The following ILDR1 variants were observed in gnomAD, a reference collection of about 807,000 sequenced individuals.
ILDR1 encodes the protein immunoglobulin like domain containing receptor 1.
A neutral mutation model predicts 62.4 loss-of-function variants in ILDR1; 56 were observed. The ratio of observed to expected loss-of-function variants is 0.90; its 90% CI spans 0.72 to 1.12. The LOEUF is 1.12. Ranked by LOEUF, ILDR1 falls within the 50% of genes most tolerant of loss-of-function variation. The probability of loss-of-function intolerance (pLI) is 0.00; values close to 1 mark genes in which losing one functional copy is unlikely to be tolerated. For missense variants in ILDR1, 736 were observed against 710.6 expected, an observed-to-expected ratio of 1.04 and a Z score of -0.41; for synonymous variants, 284 against 277.8, an observed-to-expected ratio of 1.02 and a Z score of -0.22.
At chr3:122,023,219 A>G (rs557106074), upstream of ILDR1, among the ~76,000 whole-genome samples, 2 of 151,636 alleles carry the variant, frequency 1.3e-5, no homozygotes, top group East Asian at 3.9e-4. Flanking sequence ...CTTATCCTTC[A>G]TTGTCACTGA....
intron 1 of ILDR1, among the ~76,000 whole-genome samples, chr3:122,014,571 A>C (rs2071752280): frequency 1.3e-5 from 2 of 152,220 alleles, no homozygotes; most frequent in South Asian, 4.1e-4. Flanking sequence ...ACTGAAATGA[A>C]TATGATTATA....
chr3:122,061,191 C>T, the ILDR1 span, among the ~76,000 whole-genome samples: 7 of 152,144 alleles, frequency 4.6e-5, no homozygotes, highest in Non-Finnish European at 1.0e-4. Context: ...CTAAAATACT[C>T]AACTACCTAG....
At chr3:122,007,731 C>CTGG (rs1213491521) in intron 1 of ILDR1, among the ~76,000 whole-genome samples, 2,115 of 152,282 alleles carry the variant, frequency 0.014, 49 homozygotes, top group African/African-American at 0.049. Context: ...CACTCTTCCA[C>CTGG]ATCACCTGCC....
At chr3:122,042,663 G>A in the ILDR1 span, among the ~76,000 whole-genome samples, 16 of 151,994 alleles carry the variant, frequency 1.1e-4, no homozygotes, top group Non-Finnish European at 1.2e-4. Flanking sequence ...TTCTCTGATG[G>A]CCAGTGATGA....
chr3:122,002,443 G>C (rs886299336), intron 3 of ILDR1, among the ~76,000 whole-genome samples: 6 of 152,112 alleles, frequency 3.9e-5, no homozygotes, highest in Non-Finnish European at 7.4e-5. Flanking sequence ...AAAATGAGCA[G>C]TTATCTCTGG....
chr3:122,001,980 T>TAAAAAAA, intron 3 of ILDR1, 116 bp from the exon 4 acceptor site: 1 of 1,143,016 alleles, frequency 8.7e-7, no homozygotes, highest in Non-Finnish European at 1.2e-6. Flanking sequence ...CAAAAAATAA[T>TAAAAAAA]AAAAAAAAAA....
chr3:122,035,038 G>T, the ILDR1 span, among the ~76,000 whole-genome samples: 4 of 152,146 alleles, frequency 2.6e-5, no homozygotes, highest in South Asian at 8.3e-4. Flanking sequence ...CCCACTAGGA[G>T]CTCAAGAGAA....
At chr3:122,051,500 T>A in the ILDR1 span, among the ~76,000 whole-genome samples, 9 of 152,196 alleles carry the variant, frequency 5.9e-5, no homozygotes, top group East Asian at 1.7e-3. Flanking sequence ...ATATTTTCTA[T>A]CCTTATTGAA....
At chr3:121,997,546 A>G (rs2071454440) in intron 5 of ILDR1, among the ~76,000 whole-genome samples, 1 of 152,174 alleles carries the variant, frequency 6.6e-6, no homozygotes, top group African/African-American at 2.4e-5. Context: ...TCTATTGATG[A>G]AGAGGAACCA....
upstream of ILDR1, among the ~76,000 whole-genome samples, chr3:122,026,218 A>G (rs2071920613): frequency 6.6e-6 from 1 of 152,204 alleles, no homozygotes; most frequent in Admixed American, 6.5e-5. Flanking sequence ...TGAGAATTGC[A>G]TTTTCGAAAG....
chr3:122,021,911 C>T (rs1272913439), intron 1 of ILDR1, 109 bp downstream of exon 1: 16 of 1,047,498 alleles, frequency 1.5e-5, no homozygotes, highest in Non-Finnish European at 2.2e-5. Context: ...GCCACCAGAG[C>T]GCGGCCCAGG....
intron 1 of ILDR1, among the ~76,000 whole-genome samples, chr3:122,015,892 A>G (rs2071769895): frequency 6.6e-6 from 1 of 152,128 alleles, no homozygotes; most frequent in African/African-American, 2.4e-5. Context: ...GTGCTTACCT[A>G]GTACTGTACT....
chr3:122,055,922 A>C, the ILDR1 span, among the ~76,000 whole-genome samples: 1 of 152,166 alleles, frequency 6.6e-6, no homozygotes, highest in Non-Finnish European at 1.5e-5. Flanking sequence ...AAAAAGAAAG[A>C]GAAAAAAGAG....
At chr3:122,015,139 T>C (rs2071759727) in intron 1 of ILDR1, among the ~76,000 whole-genome samples, 1 of 152,194 alleles carries the variant, frequency 6.6e-6, no homozygotes, top group South Asian at 2.1e-4. Flanking sequence ...TTTAAAGCAT[T>C]GATCAGAAAC....
chr3:122,020,506 T>G (rs1458805818), intron 1 of ILDR1, among the ~76,000 whole-genome samples: 1 of 152,222 alleles, frequency 6.6e-6, no homozygotes, highest in Non-Finnish European at 1.5e-5. Flanking sequence ...ATCTATAAAG[T>G]GAACGTGAGT....
the ILDR1 span, among the ~76,000 whole-genome samples, chr3:122,037,369 G>C: frequency 6.6e-6 from 1 of 152,250 alleles, no homozygotes; most frequent in Non-Finnish European, 1.5e-5. Flanking sequence ...ACCCAAGGCT[G>C]TGGGAGCCCA....
At chr3:122,038,618 A>G in the ILDR1 span, among the ~76,000 whole-genome samples, 3 of 152,256 alleles carry the variant, frequency 2.0e-5, no homozygotes, top group Admixed American at 6.5e-5. Context: ...ATGGCAAGAA[A>G]TAACAAAATT....
At chr3:122,011,677 T>TTCACACACACACACACACACA (rs139879742) in intron 1 of ILDR1, among the ~76,000 whole-genome samples, 33 of 133,234 alleles carry the variant, frequency 2.5e-4, no homozygotes, top group Middle Eastern at 3.6e-3. Flanking sequence ...TCTCTCTCTT[T>TTCACACACACACACACACACA]CACACACACA....
the ILDR1 span, among the ~76,000 whole-genome samples, chr3:122,052,514 C>T: frequency 2.6e-5 from 4 of 152,180 alleles, no homozygotes; most frequent in African/African-American, 9.7e-5. Flanking sequence ...CTCTCTAAGA[C>T]AGGTAAGACA....
Sources: allele counts gnomAD v4.1 joint callset (sites outside exome capture counted in the v4.1 genomes callset), GRCh38; gene constraint gnomAD v4.1.1; transcripts MANE v1.5; gene names NCBI Gene and HGNC (gene_info 2026-07-23, HGNC 2026-07-21).